Variants in GPC6 observed in about 807,000 individuals in gnomAD.
GPC6 encodes the protein glypican 6.
Under a neutral mutation model 55.2 loss-of-function variants are expected in GPC6, and 14 were observed. The ratio of observed to expected loss-of-function variants is 0.25; its 90% CI spans 0.17 to 0.40. GPC6 has a LOEUF of 0.40. Ranked by LOEUF, GPC6 falls within the 10% of genes least tolerant of loss-of-function variation. GPC6 has a pLI of 1.00. For synonymous variants in GPC6, 278 were observed against 259.6 expected, an observed-to-expected ratio of 1.07 and a Z score of -0.68; for missense variants, 641 against 708.5, an observed-to-expected ratio of 0.90 and a Z score of 1.08.
chr13:94,101,270 G>A (rs1225658019), intron 4 of GPC6, among the ~76,000 whole-genome samples: 1 of 152,192 alleles, frequency 6.6e-6, no homozygotes, highest in Non-Finnish European at 1.5e-5. Context: ...GCTCAACATT[G>A]GGAACAACAG....
At chr13:93,730,434 CT>C (rs553294614) in intron 2 of GPC6, among the ~76,000 whole-genome samples, 136 of 152,284 alleles carry the variant, frequency 8.9e-4, no homozygotes, top group African/African-American at 3.2e-3. Flanking sequence ...TACAAATGTC[CT>C]TGTTGCTGTT....
At chr13:94,031,236 A>C (rs767458507) in intron 4 of GPC6, among the ~76,000 whole-genome samples, 1 of 152,156 alleles carries the variant, frequency 6.6e-6, no homozygotes, top group Non-Finnish European at 1.5e-5. Flanking sequence ...ATTCTTACCA[A>C]GTAACTGTTA....
intron 2 of GPC6, among the ~76,000 whole-genome samples, chr13:93,603,513 T>A (rs986195420): frequency 6.6e-6 from 1 of 152,216 alleles, no homozygotes; most frequent in East Asian, 1.9e-4. Context: ...ACATAGGTAT[T>A]ATTGTCCCCA....
chr13:94,381,352 T>C (rs907610522), intron 6 of GPC6, among the ~76,000 whole-genome samples: 5 of 151,770 alleles, frequency 3.3e-5, no homozygotes, highest in African/African-American at 9.7e-5. Flanking sequence ...GTCGGCGGGG[T>C]TGGGTCCTTC....
intron 3 of GPC6, among the ~76,000 whole-genome samples, chr13:93,903,845 T>C (rs1169285014): frequency 6.6e-6 from 1 of 152,082 alleles, no homozygotes; most frequent in Non-Finnish European, 1.5e-5. Context: ...TCCCACATTC[T>C]CTGTGACCCT....
intron 4 of GPC6, among the ~76,000 whole-genome samples, chr13:94,193,591 G>A (rs1343541183): frequency 6.6e-6 from 1 of 152,134 alleles, no homozygotes; most frequent in Admixed American, 6.5e-5. Context: ...AAAACAGAAC[G>A]TGGTGAGCGT....
chr13:93,765,308 T>TTCCAGATAAGCTGACTGGAAAGAC, intron 2 of GPC6, among the ~76,000 whole-genome samples: 1 of 148,686 alleles, frequency 6.7e-6, no homozygotes, highest in Non-Finnish European at 1.5e-5. Context: ...AAAGACAACT[T>TTCCAGATAAGCTGACTGGAAAGAC]ATTTGGTTTA....
chr13:93,819,617 A>G (rs918676130), intron 2 of GPC6, among the ~76,000 whole-genome samples: 1 of 152,230 alleles, frequency 6.6e-6, no homozygotes, highest in African/African-American at 2.4e-5. Flanking sequence ...AACTGCAATG[A>G]TGAAAGTCAA....
intron 2 of GPC6, among the ~76,000 whole-genome samples, chr13:93,600,751 C>T (rs1264410662): frequency 6.6e-6 from 1 of 151,040 alleles, no homozygotes; most frequent in Non-Finnish European, 1.5e-5. Flanking sequence ...GGAGTTCGAG[C>T]ACAGCCTGGC....
At chr13:94,022,896 T>C (rs559859792) in intron 3 of GPC6, among the ~76,000 whole-genome samples, 4 of 152,210 alleles carry the variant, frequency 2.6e-5, no homozygotes, top group Non-Finnish European at 5.9e-5. Context: ...AAGTCCTTGA[T>C]AAAAGATTAT....
chr13:93,579,659 G>A (rs1876842638), intron 2 of GPC6, among the ~76,000 whole-genome samples: 1 of 152,130 alleles, frequency 6.6e-6, no homozygotes, highest in African/African-American at 2.4e-5. Flanking sequence ...AATTTGGGAG[G>A]GATAGATGAG....
At chr13:94,026,111 T>G (rs1341116811) in intron 3 of GPC6, among the ~76,000 whole-genome samples, 1 of 152,146 alleles carries the variant, frequency 6.6e-6, no homozygotes, top group Non-Finnish European at 1.5e-5. Flanking sequence ...TTTCATAAAA[T>G]TTTGGAAAGA....
intron 1 of GPC6, among the ~76,000 whole-genome samples, chr13:93,405,848 G>C (rs189750484): frequency 1.3e-5 from 2 of 152,234 alleles, no homozygotes; most frequent in Admixed American, 6.5e-5. Flanking sequence ...TGGACGGTGG[G>C]GTGGATCCTC....
intron 5 of GPC6, among the ~76,000 whole-genome samples, chr13:94,300,844 TG>T (rs1875612258): frequency 6.6e-6 from 1 of 152,212 alleles, no homozygotes; most frequent in South Asian, 2.1e-4. Context: ...TAAAAACTTC[TG>T]TTCTGTTGTA....
chr13:94,378,011 A>T (rs1879972139), intron 6 of GPC6, among the ~76,000 whole-genome samples: 1 of 152,158 alleles, frequency 6.6e-6, no homozygotes, highest in Non-Finnish European at 1.5e-5. Flanking sequence ...ACACATGGAC[A>T]AAGGAAGGGG....
At chr13:94,183,549 C>T (rs1162265216) in intron 4 of GPC6, among the ~76,000 whole-genome samples, 1 of 152,100 alleles carries the variant, frequency 6.6e-6, no homozygotes, top group Non-Finnish European at 1.5e-5. Context: ...CTGGCTGAGT[C>T]CCTGCTTTCA....
At chr13:93,839,324 T>TA (rs1413751233) in intron 3 of GPC6, among the ~76,000 whole-genome samples, 2 of 151,540 alleles carry the variant, frequency 1.3e-5, no homozygotes, top group Admixed American at 1.3e-4. Flanking sequence ...AATTGAAAGT[T>TA]AAAAAAAAAT....
At chr13:94,240,724 C>A (rs767333779) in intron 4 of GPC6, among the ~76,000 whole-genome samples, 87 of 152,036 alleles carry the variant, frequency 5.7e-4, no homozygotes, top group Admixed American at 1.6e-3. Flanking sequence ...CAGTGAACAG[C>A]CTAAGAGTGT....
At chr13:93,434,568 A>C (rs984499867) in intron 1 of GPC6, among the ~76,000 whole-genome samples, 1 of 152,174 alleles carries the variant, frequency 6.6e-6, no homozygotes, top group African/African-American at 2.4e-5. Flanking sequence ...GTAAATCTGC[A>C]CAGGATTCTT....
Sources: gnomAD v4.1 joint callset for allele counts (sites outside exome capture counted in the v4.1 genomes callset) on GRCh38, gnomAD v4.1.1 for gene constraint, MANE v1.5 for transcripts, NCBI Gene and HGNC (gene_info 2026-07-23, HGNC 2026-07-21) for gene names.